PTOV1: variants seen among roughly 807,000 people sequenced by gnomAD.
PTOV1 encodes the protein PTOV1 extended AT-hook containing adaptor protein.
PTOV1 carries 20 observed loss-of-function variants against 58.0 expected under a neutral mutation model. The ratio of observed to expected loss-of-function variants is 0.34; its 90% CI spans 0.24 to 0.50. The LOEUF (loss-of-function observed/expected upper bound fraction) is 0.50, where lower values mean the gene tolerates loss of function less well. Among genes scored for constraint, PTOV1 ranks in the 20% least tolerant of loss-of-function variants. The probability of loss-of-function intolerance (pLI) is 0.98; values close to 1 mark genes in which losing one functional copy is unlikely to be tolerated. For synonymous variants in PTOV1, 335 were observed against 234.2 expected (o/e 1.43, Z -3.93); for missense variants, 593 against 565.4 (o/e 1.05, Z -0.50).
chr19:49,852,599 T>C (rs2074296506), intron 1 of PTOV1: 1 of 152,228 alleles, frequency 6.6e-6, no homozygotes, highest in African/African-American at 2.4e-5. Flanking sequence ...CATCTTGATG[T>C]GCTGCTCCTG....
chr19:49,857,874 G>T, intron 7 of PTOV1, 30 bp from the exon 8 acceptor site: 1 of 1,612,754 alleles, frequency 6.2e-7, no homozygotes, highest in Non-Finnish European at 8.5e-7. Context: ...CTCCAGCCCT[G>T]AGGGCTCCTC....
intron 1 of PTOV1, 115 bp from the exon 2 acceptor site, chr19:49,854,291 T>G (rs906528110): frequency 7.1e-7 from 1 of 1,404,612 alleles, no homozygotes; most frequent in African/African-American, 1.4e-5. Context: ...CCCGTGGGCT[T>G]CCAGCAGGGG....
exon 8 of PTOV1, chr19:49,857,907 A>G: frequency 6.2e-7 from 1 of 1,613,664 alleles, no homozygotes; most frequent in Non-Finnish European, 8.5e-7. Context: ...CCAAAAGCCC[A>G]GGCCTGAGCC....
intron 1 of PTOV1, chr19:49,851,704 G>C (rs1430027268): frequency 8.7e-7 from 1 of 1,147,640 alleles, no homozygotes; most frequent in African/African-American, 1.6e-5. Context: ...TCGGGCCGGG[G>C]TGGGGGGTTG....
At chr19:49,855,854 G>A (rs1438879309) in intron 5 of PTOV1, among the ~76,000 whole-genome samples, 3 of 152,138 alleles carry the variant, frequency 2.0e-5, no homozygotes, top group Admixed American at 1.3e-4. Flanking sequence ...GAACCCAGCT[G>A]GTGAGGCTGT....
intron 1 of PTOV1, among the ~76,000 whole-genome samples, chr19:49,853,735 C>G (rs911657077): frequency 1.3e-5 from 2 of 152,188 alleles, no homozygotes; most frequent in African/African-American, 2.4e-5. Flanking sequence ...CTGTGAGACC[C>G]CTCTGGGGGT....
intron 5 of PTOV1, chr19:49,856,069 C>T (rs908087595): frequency 1.3e-5 from 2 of 152,184 alleles, no homozygotes; most frequent in African/African-American, 2.4e-5. Flanking sequence ...CCCTGGGTTC[C>T]GCTAGGGCCT....
intron 11 of PTOV1, 42 bp downstream of exon 11, chr19:49,860,225 C>T (rs1367128614): frequency 1.9e-6 from 3 of 1,613,650 alleles, no homozygotes; most frequent in South Asian, 1.1e-5. Context: ...CTCCCTCCAC[C>T]CCCGCTGCCT....
rs748571075 is a variant in PTOV1, at chr19:49,857,173, T to C, written c.714+43T>C. The C allele has an allele frequency of 6.2e-6, 10 of 1,609,208 alleles. No individual in the cohort carries two copies. In the East Asian group the frequency reaches 2.0e-4, roughly 32 times the overall value. On this transcript the variant is annotated intron_variant, in intron 6 of 11. Transcript: ENST00000391842. ...AGCCCCTCTGGGGACAGAGGGGGAT[T>C]AGACCCCACTGCCCTGGTTGGGCAG...
At position 49,857,467 on chromosome 19, in the gene PTOV1, C is replaced by T. The variant is rs1568646471; in HGVS notation, c.715-226C>T. The T allele has an allele frequency of 1.1e-5, 7 of 615,454 alleles. No homozygotes were observed. In the East Asian group the frequency reaches 1.9e-4, roughly 17 times the overall value. The allele number at this position is 615,454 out of a possible 1,614,324, so 38.1% of individuals were successfully genotyped here. A position where few individuals can be genotyped will look rare whatever the true frequency, so the allele number is the denominator to read the frequency against. On this transcript the variant is annotated intron_variant, in intron 6 of 11. Coordinates refer to ENST00000391842, the Ensembl canonical transcript of PTOV1. ...GCCTTGCCAGTTGAGGCAGACTCTG[C>T]AGGTCCTGTGCACCAGGTGAGGGCC... is the stretch of plus-strand genomic sequence containing the variant.
At chr19:49,854,621 G>A (rs752576001) in intron 2 of PTOV1, 31 bp from the exon 3 acceptor site, 2 of 1,613,222 alleles carry the variant, frequency 1.2e-6, no homozygotes, top group Non-Finnish European at 8.5e-7. Flanking sequence ...CATCTAGGCT[G>A]TGCACAGTGA....
intron 10 of PTOV1, 29 bp from the exon 11 acceptor site, chr19:49,859,957 C>T (rs2074676832): frequency 1.2e-6 from 2 of 1,612,772 alleles, no homozygotes; most frequent in African/African-American, 1.3e-5. Context: ...GTGGTGCTGT[C>T]TGGTGACACC....
At chr19:49,853,630 A>G (rs1158750523) in intron 1 of PTOV1, among the ~76,000 whole-genome samples, 1 of 151,420 alleles carries the variant, frequency 6.6e-6, no homozygotes, top group Non-Finnish European at 1.5e-5. Flanking sequence ...AAAAAATAGT[A>G]ATAAAAATAG....
chr19:49,858,503 C>A, intron 9 of PTOV1, 46 bp from the exon 10 acceptor site: 1 of 1,485,138 alleles, frequency 6.7e-7, no homozygotes, highest in South Asian at 1.2e-5. Context: ...GCCGGGAGGC[C>A]GTGGTGGGAG....
At chr19:49,856,859 G>A (rs2074491388) in intron 5 of PTOV1, 116 bp from the exon 6 acceptor site, 2 of 1,271,728 alleles carry the variant, frequency 1.6e-6, no homozygotes, top group East Asian at 4.8e-5. Flanking sequence ...TTGACTGTGG[G>A]GGCCTCTGTC....
At chr19:49,859,004 T>C (rs1408220830) in intron 10 of PTOV1, 2 of 204,978 alleles carry the variant, frequency 9.8e-6, no homozygotes, top group African/African-American at 2.3e-5. Flanking sequence ...GAGGGCTGTC[T>C]GCCCCCAGCA....
At chr19:49,851,274 C>T (rs1214783420) in exon 1 of PTOV1, 10 of 1,086,992 alleles carry the variant, frequency 9.2e-6, no homozygotes, top group Non-Finnish European at 1.1e-5. Flanking sequence ...CGGTGGAGCC[C>T]GCAGCCCCCC....
At chr19:49,850,973 C>T (rs2074215913), upstream of PTOV1, 2 of 1,535,310 alleles carry the variant, frequency 1.3e-6, no homozygotes, top group Admixed American at 2.0e-5. Context: ...CTCCCGTTCC[C>T]GCCACGCCCC....
rs760681397 is a variant in PTOV1 at position 49,857,139 on chromosome 19, G to A, written c.714+9G>A. 1.7e-5 allele frequency: 27 copies of A among 1,613,966 alleles called. No homozygotes were observed. Among genetic ancestry groups the A allele is most frequent in the Non-Finnish European group, 2.3e-5 (27 of 1,179,948 alleles). On this transcript the variant is annotated intron_variant, in intron 6 of 11. Coordinates refer to ENST00000391842, the Ensembl canonical transcript of PTOV1. The stretch of plus-strand genomic sequence containing the variant: ...TCACCACCCGCAAGCAGGTGTGCCA[G>A]CCAAGCACAGCCCCTCTGGGGACAG...
Sources: gnomAD v4.1 joint callset for allele counts (sites outside exome capture counted in the v4.1 genomes callset) on GRCh38, gnomAD v4.1.1 for gene constraint, MANE v1.5 for transcripts, NCBI Gene and HGNC (gene_info 2026-07-23, HGNC 2026-07-21) for gene names.